Variants in IGSF11 observed in about 807,000 individuals in gnomAD.
IGSF11 encodes the protein CXADR like 1.
In IGSF11, 22 loss-of-function variants were observed where a neutral mutation model predicts 41.0. The observed-to-expected ratio is 0.54, with a 90% CI of 0.38 to 0.77. The LOEUF is 0.77. IGSF11 is among the 30% of genes least tolerant of loss of function. The pLI is 0.00. For synonymous variants in IGSF11, 219 were observed against 201.3 expected, an observed-to-expected ratio of 1.09 and a Z score of -0.74; for missense variants, 444 against 530.8, an observed-to-expected ratio of 0.84 and a Z score of 1.61.
chr3:118,917,502 T>A, intron 4 of IGSF11, among the ~76,000 whole-genome samples: 1 of 138,826 alleles, frequency 7.2e-6, no homozygotes. Context: ...AACTAGAAAA[T>A]CTAGAAGAAA....
chr3:119,030,412 G>T (rs1020061253), intron 1 of IGSF11, among the ~76,000 whole-genome samples: 1 of 152,052 alleles, frequency 6.6e-6, no homozygotes, highest in African/African-American at 2.4e-5. Flanking sequence ...TTGCAAATTG[G>T]AAACCAATTT....
intron 1 of IGSF11, among the ~76,000 whole-genome samples, chr3:119,045,109 C>T (rs1192997054): frequency 6.6e-6 from 1 of 152,188 alleles, no homozygotes; most frequent in Non-Finnish European, 1.5e-5. Flanking sequence ...TAGAGAATGG[C>T]AGAACGGATA....
chr3:118,920,009 A>G (rs1340538170), intron 4 of IGSF11, among the ~76,000 whole-genome samples: 4 of 139,048 alleles, frequency 2.9e-5, no homozygotes, highest in African/African-American at 5.4e-5. Flanking sequence ...CTATCGCAAG[A>G]ACAAAAAACC....
chr3:119,014,041 G>A (rs1938416571), intron 1 of IGSF11, among the ~76,000 whole-genome samples: 1 of 152,196 alleles, frequency 6.6e-6, no homozygotes, highest in African/African-American at 2.4e-5. Context: ...AAACCCAGCA[G>A]TGGAAGCTGA....
At chr3:119,065,295 T>C (rs77256130) in intron 1 of IGSF11, among the ~76,000 whole-genome samples, 2,100 of 152,326 alleles carry the variant, frequency 0.014, 37 homozygotes, top group African/African-American at 0.048. Context: ...CTTGATGATA[T>C]ATAGATTGTC....
At chr3:118,916,434 T>G (rs972398373) in intron 4 of IGSF11, among the ~76,000 whole-genome samples, 20 of 151,236 alleles carry the variant, frequency 1.3e-4, no homozygotes, top group African/African-American at 3.7e-4. Flanking sequence ...AATGGAAAAC[T>G]AAAAAAGGCA....
At chr3:119,054,478 G>A (rs761670907) in intron 1 of IGSF11, among the ~76,000 whole-genome samples, 5 of 152,136 alleles carry the variant, frequency 3.3e-5, no homozygotes, top group Non-Finnish European at 5.9e-5. Flanking sequence ...AAACCACAAT[G>A]TGATACCACC....
intron 1 of IGSF11, among the ~76,000 whole-genome samples, chr3:119,057,551 G>C (rs1433633383): frequency 3.9e-5 from 6 of 152,164 alleles, no homozygotes; most frequent in Non-Finnish European, 8.8e-5. Context: ...TACTGCCCAA[G>C]GTAATTTATA....
At chr3:119,052,927 G>A (rs527559857) in intron 1 of IGSF11, among the ~76,000 whole-genome samples, 18 of 152,204 alleles carry the variant, frequency 1.2e-4, no homozygotes, top group South Asian at 4.1e-4. Flanking sequence ...CTGAAAAAGC[G>A]TTTCACAAAA....
chr3:119,043,682 C>G (rs1213750176), intron 1 of IGSF11, among the ~76,000 whole-genome samples: 1 of 152,198 alleles, frequency 6.6e-6, no homozygotes, highest in South Asian at 2.1e-4. Flanking sequence ...TCCACCAGAG[C>G]AGGTTCTGGT....
In IGSF11 at chr3:119,080,965, G is replaced by GT. The variant is rs376271003; in HGVS notation, c.49+24178dup. Among the ~76,000 whole-genome samples the GT allele has an allele frequency of 1.2e-3, 177 of 149,058 alleles. 2 individuals carry two copies. The highest frequency in any genetic ancestry group is 8.7e-3 in the East Asian group (44 of 5,054). ...CAAAAAGTTTCAGGGTTTATTTATT[G>GT]TTTTTTTTTCAATGTATTAATTTTC... is the stretch of plus-strand genomic sequence containing the variant. On this transcript the variant is annotated intron_variant, in intron 1 of 6. Coordinates refer to the IGSF11 transcript ENST00000354673.
intron 1 of IGSF11, among the ~76,000 whole-genome samples, chr3:118,994,993 T>C (rs1183435000): frequency 6.6e-6 from 1 of 152,146 alleles, no homozygotes; most frequent in Non-Finnish European, 1.5e-5. Context: ...CTTGAAGGGC[T>C]GAAAGAAATT....
chr3:118,903,112 C>A, intron 6 of IGSF11, 151 bp from the exon 7 acceptor site: 2 of 687,698 alleles, frequency 2.9e-6, no homozygotes, highest in Non-Finnish European at 4.8e-6. Context: ...GCATGGCAAC[C>A]CTGGATGGCC....
chr3:119,032,066 A>G (rs1414982353), intron 1 of IGSF11, among the ~76,000 whole-genome samples: 1 of 152,238 alleles, frequency 6.6e-6, no homozygotes, highest in Admixed American at 6.5e-5. Context: ...TAAAAACAAA[A>G]TAACAATAAG....
At chr3:118,926,061 A>G in intron 4 of IGSF11, 40 bp downstream of exon 4, 2 of 1,381,050 alleles carry the variant, frequency 1.4e-6, no homozygotes, top group Non-Finnish European at 1.9e-6. Context: ...AGAATTGTCC[A>G]TGATAACTAA....
intron 1 of IGSF11, among the ~76,000 whole-genome samples, chr3:118,959,613 G>T (rs1945194821): frequency 6.6e-6 from 1 of 152,206 alleles, no homozygotes; most frequent in Admixed American, 6.5e-5. Flanking sequence ...TGAATAGTTA[G>T]TGGTTTTCCG....
intron 1 of IGSF11, among the ~76,000 whole-genome samples, chr3:119,004,374 T>C (rs1937253112): frequency 6.6e-6 from 1 of 151,496 alleles, no homozygotes; most frequent in Non-Finnish European, 1.5e-5. Flanking sequence ...TTAGTCTTGC[T>C]AGCGGTCTAT....
At chr3:118,970,627 T>C (rs1458929087) in intron 1 of IGSF11, among the ~76,000 whole-genome samples, 1 of 152,074 alleles carries the variant, frequency 6.6e-6, no homozygotes, top group Non-Finnish European at 1.5e-5. Flanking sequence ...TCATTTAAGG[T>C]GATGATTTAA....
At chr3:119,031,616 C>A (rs1940405894) in intron 1 of IGSF11, among the ~76,000 whole-genome samples, 1 of 152,214 alleles carries the variant, frequency 6.6e-6, no homozygotes, top group African/African-American at 2.4e-5. Context: ...CTAAGCATAA[C>A]GCTTTTTAAG....
Sources: gnomAD v4.1 joint callset for allele counts (sites outside exome capture counted in the v4.1 genomes callset) on GRCh38, gnomAD v4.1.1 for gene constraint, MANE v1.5 for transcripts, NCBI Gene and HGNC (gene_info 2026-07-23, HGNC 2026-07-21) for gene names.